Variants in GLYR1 observed in about 807,000 individuals in gnomAD.
GLYR1 encodes cytokine-like nuclear factor N-PAC.
A neutral mutation model predicts 72.7 loss-of-function variants in GLYR1; 21 were observed. The observed-to-expected ratio is 0.29, with a 90% CI of 0.20 to 0.42. The LOEUF (loss-of-function observed/expected upper bound fraction) is 0.42. Ranked by LOEUF, GLYR1 falls within the 10% of genes least tolerant of loss-of-function variation. The pLI, the probability that GLYR1 is intolerant of heterozygous loss-of-function variation, is 1.00. For synonymous variants in GLYR1, 392 were observed against 270.2 expected, an observed-to-expected ratio of 1.45 and a Z score of -4.42; for missense variants, 594 against 712.1, an observed-to-expected ratio of 0.83 and a Z score of 1.89.
At chr16:4,807,751 C>G (rs2083075963) in intron 15 of GLYR1, among the ~76,000 whole-genome samples, 1 of 152,184 alleles carries the variant, frequency 6.6e-6, no homozygotes. Flanking sequence ...CACATGAAAC[C>G]CTTGGGAAAT....
chr16:4,846,313 C>G, intron 1 of GLYR1, 103 bp from the exon 2 acceptor site: 1 of 1,294,536 alleles, frequency 7.7e-7, no homozygotes, highest in Non-Finnish European at 1.1e-6. Context: ...TGCTGGCATC[C>G]TCAAATGCCG....
intron 9 of GLYR1, among the ~76,000 whole-genome samples, chr16:4,819,897 C>G (rs552800270): frequency 6.6e-6 from 1 of 152,298 alleles, no homozygotes; most frequent in South Asian, 2.1e-4. Context: ...TTTTGTCACT[C>G]ATTATTTGGG....
chr16:4,831,659 T>C lies in GLYR1; in HGVS notation c.537+320A>G, dbSNP rs376574974. Among the ~76,000 whole-genome samples the C allele has an allele frequency of 1.6e-3, 249 of 152,338 alleles. 1 individual carries two copies. The highest frequency in any genetic ancestry group is 5.7e-3 in the African/African-American group (235 of 41,586). ...CAGGCCGTGTCTCTCACCTGGTCTA[T>C]GGGATTCTTTATTTTTTAATTTTTT... On this transcript the variant is annotated intron_variant, in intron 5 of 15. Coordinates refer to ENST00000321919, the MANE Select transcript of GLYR1 (RefSeq NM_032569.4).
At chr16:4,828,888 A>G (rs13338932) in intron 5 of GLYR1, among the ~76,000 whole-genome samples, 22,844 of 151,966 alleles carry the variant, frequency 0.15, 2,751 homozygotes, top group African/African-American at 0.33. Flanking sequence ...ACGAGAAGGT[A>G]TTTCTTTCCA....
chr16:4,838,240 C>T (rs1416830026), intron 3 of GLYR1, among the ~76,000 whole-genome samples: 1 of 152,054 alleles, frequency 6.6e-6, no homozygotes, highest in African/African-American at 2.4e-5. Flanking sequence ...AATTATTAAC[C>T]ACATATTCTT....
At chr16:4,836,642 G>T (rs767600792) in intron 3 of GLYR1, among the ~76,000 whole-genome samples, 16 of 152,158 alleles carry the variant, frequency 1.1e-4, no homozygotes, top group Admixed American at 7.2e-4. Flanking sequence ...TGCATGTTAT[G>T]TGCTACCACT....
chr16:4,805,219 G>T lies in GLYR1; in HGVS notation c.*17C>A. On this transcript the variant is annotated 3_prime_UTR_variant, in exon 16 of 16. Transcript: ENST00000321919. ...TCAGAGGGGGGATTGGAGGGGTGAG[G>T]GCGGGGTGTCGACAGCTTAGTGTAT... 6.2e-7 allele frequency: 1 copy of T among 1,612,372 alleles called. No homozygotes were observed. Among genetic ancestry groups the T allele is most frequent in the Non-Finnish European group, 8.5e-7 (1 of 1,178,748 alleles).
chr16:4,839,007 C>T (rs1289370601), intron 3 of GLYR1, among the ~76,000 whole-genome samples: 3 of 152,196 alleles, frequency 2.0e-5, no homozygotes, highest in Non-Finnish European at 4.4e-5. Flanking sequence ...CTGCTTCAGT[C>T]TCCCAAGTAG....
chr16:4,843,006 G>A (rs2085678988), intron 3 of GLYR1, among the ~76,000 whole-genome samples: 1 of 151,886 alleles, frequency 6.6e-6, no homozygotes, highest in Admixed American at 6.6e-5. Context: ...GACCATCATT[G>A]TGCACATCAT....
At chr16:4,823,696 G>A (rs1389358378) in intron 6 of GLYR1, 125 bp downstream of exon 6, 6 of 783,294 alleles carry the variant, frequency 7.7e-6, no homozygotes, top group African/African-American at 1.8e-5. Context: ...ATAGACTTCT[G>A]TACTGTTTTG....
rs148051401 is a variant in GLYR1 at position 4,813,284 on chromosome 16, A to G, written c.1119+453T>C. ...GGACTGGAATTTCTTAGAGACCAAC[A>G]ACTAGAACCAGATGTGACCATGTCA... On this transcript the variant is annotated intron_variant, in intron 12 of 15. Coordinates refer to ENST00000321919, the MANE Select transcript of GLYR1 (RefSeq NM_032569.4). Among the ~76,000 whole-genome samples the G allele has an allele frequency of 8.1e-3, 1,235 of 152,274 alleles. 22 individuals carry two copies. Among genetic ancestry groups the G allele is most frequent in the African/African-American group, 0.029 (1,185 of 41,558 alleles).
chr16:4,813,623 C>T (rs560917630), intron 12 of GLYR1, 114 bp downstream of exon 12: 3 of 900,110 alleles, frequency 3.3e-6, no homozygotes, highest in East Asian at 5.3e-5. Flanking sequence ...CTCGCCTCTC[C>T]TCTTCCCTCT....
At chr16:4,829,356 A>C (rs2084637359) in intron 5 of GLYR1, among the ~76,000 whole-genome samples, 1 of 151,992 alleles carries the variant, frequency 6.6e-6, no homozygotes. Flanking sequence ...CCCAGGCTGG[A>C]GTGCAGTGGT....
intron 5 of GLYR1, among the ~76,000 whole-genome samples, chr16:4,825,738 G>A (rs2084341133): frequency 6.6e-6 from 1 of 151,110 alleles, no homozygotes; most frequent in Non-Finnish European, 1.5e-5. Flanking sequence ...TGCAACCTCT[G>A]TCTCCTGGGT....
intron 14 of GLYR1, 92 bp from the exon 15 acceptor site, chr16:4,811,386 T>G (rs1232347623): frequency 3.2e-6 from 5 of 1,541,970 alleles, no homozygotes; most frequent in Non-Finnish European, 4.4e-6. Flanking sequence ...TAAAACATAC[T>G]CAGGGCTCAG....
At position 4,847,253 on chromosome 16, in the gene GLYR1, T is replaced by G. The variant is rs765076638; in HGVS notation, c.13A>C (p.Ser5Arg). Residue 5 changes from serine (S) to arginine (R), a missense_variant, in exon 1 of 16, where the codon AGT becomes CGT. Physicochemically the swap from Ser to Arg is moderately radical, Grantham distance 110. Transcript: ENST00000321919. Reference sequence around the variant, plus strand: ...CACACCAAGTCGCCGAGCCGCAGACTCACAGCCGCCATCTTACCACCCAAC... The same window carrying G: ...CACACCAAGTCGCCGAGCCGCAGACGCACAGCCGCCATCTTACCACCCAAC... The part of the protein sequence containing the change: MAAV[S>R]LRLGDLVWGK... 8 of 1,609,496 alleles carry G rather than the reference T, an allele frequency of 5.0e-6. No individual in the cohort carries two copies. The South Asian group carries it at 8.8e-5, about 18-fold the overall frequency.
At chr16:4,820,107 C>T (rs573034742) in intron 9 of GLYR1, among the ~76,000 whole-genome samples, 1 of 152,272 alleles carries the variant, frequency 6.6e-6, no homozygotes, top group South Asian at 2.1e-4. Context: ...AAGCGATTCT[C>T]CCACCTCAGC....
At chr16:4,807,778 G>C (rs1174739190) in intron 15 of GLYR1, among the ~76,000 whole-genome samples, 1 of 152,150 alleles carries the variant, frequency 6.6e-6, no homozygotes, top group Non-Finnish European at 1.5e-5. Flanking sequence ...AGTCAGAAAT[G>C]AGCTTTCATC....
At chr16:4,827,863 G>A (rs2084500964) in intron 5 of GLYR1, among the ~76,000 whole-genome samples, 1 of 151,820 alleles carries the variant, frequency 6.6e-6, no homozygotes, top group African/African-American at 2.4e-5. Flanking sequence ...TTGCGCCACT[G>A]CACCGCAGCC....
Sources: allele counts gnomAD v4.1 joint callset (sites outside exome capture counted in the v4.1 genomes callset), GRCh38; gene constraint gnomAD v4.1.1; transcripts MANE v1.5; gene names NCBI Gene and HGNC (gene_info 2026-07-23, HGNC 2026-07-21).